Variants in JMJD1C observed in about 807,000 individuals in gnomAD.
JMJD1C encodes jumonji domain containing 1C.
In JMJD1C, 31 loss-of-function variants were observed where a neutral mutation model predicts 245.3. The ratio of observed to expected loss-of-function variants is 0.13; its 90% CI spans 0.09 to 0.17. The LOEUF (loss-of-function observed/expected upper bound fraction) is 0.17, where lower values mean the gene tolerates loss of function less well. JMJD1C is among the 10% of genes least tolerant of loss of function. JMJD1C has a pLI of 1.00. For missense variants in JMJD1C, 2,691 were observed against 3,000.2 expected, an observed-to-expected ratio of 0.90 and a Z score of 2.41; for synonymous variants, 1,057 against 1,017.4, an observed-to-expected ratio of 1.04 and a Z score of -0.74.
At chr10:63,275,819 C>G (rs1184452008) in intron 2 of JMJD1C, among the ~76,000 whole-genome samples, 1 of 152,114 alleles carries the variant, frequency 6.6e-6, no homozygotes, top group Non-Finnish European at 1.5e-5. Flanking sequence ...CACTTTCAGC[C>G]CTTTTTTTCC....
chr10:63,441,005 TC>T (rs1431771746), intron 1 of JMJD1C, among the ~76,000 whole-genome samples: 1 of 152,132 alleles, frequency 6.6e-6, no homozygotes, highest in Non-Finnish European at 1.5e-5. Context: ...GTGCTTGAGG[TC>T]AGGGAAAACT....
chr10:63,185,657 T>C lies in JMJD1C; in HGVS notation c.6740-4A>G, dbSNP rs1377542255. ...CCACTCTTGTTTTTCTGCCGTTCTA[T>C]AAGGAATGCAGTTAATTACTAAAAG... On this transcript the variant is annotated splice_region_variant and splice_polypyrimidine_tract_variant and intron_variant, in intron 19 of 25. Coordinates refer to ENST00000399262, the MANE Select transcript of JMJD1C (RefSeq NM_032776.3). 1.3e-6 allele frequency: 2 copies of C among 1,534,366 alleles called. No homozygotes were observed. The highest frequency in any genetic ancestry group is 9.0e-7 in the Non-Finnish European group (1 of 1,107,938).
At chr10:63,259,686 G>A (rs924439809) in intron 3 of JMJD1C, among the ~76,000 whole-genome samples, 11 of 152,194 alleles carry the variant, frequency 7.2e-5, no homozygotes, top group African/African-American at 2.4e-4. Context: ...TAGACAATGT[G>A]TGAGTCTTCT....
intron 1 of JMJD1C, among the ~76,000 whole-genome samples, chr10:63,494,771 C>G (rs73298557): frequency 6.6e-6 from 1 of 152,126 alleles, no homozygotes; most frequent in African/African-American, 2.4e-5. Context: ...GCAAAATGTA[C>G]GCTGACAAAT....
intron 1 of JMJD1C, among the ~76,000 whole-genome samples, chr10:63,454,323 G>C (rs1029169232): frequency 6.7e-6 from 1 of 149,708 alleles, no homozygotes; most frequent in African/African-American, 2.5e-5. Flanking sequence ...GCAGTGGCAT[G>C]ATCTCAGCTC....
chr10:63,363,350 C>G (rs1425585733), intron 2 of JMJD1C, among the ~76,000 whole-genome samples: 1 of 151,144 alleles, frequency 6.6e-6, no homozygotes, highest in Non-Finnish European at 1.5e-5. Flanking sequence ...CCTCTGCCTC[C>G]CGGGTTCAAG....
chr10:63,490,423 T>TTTA (rs1277466832), intron 1 of JMJD1C, among the ~76,000 whole-genome samples: 1 of 76,248 alleles, frequency 1.3e-5, no homozygotes, highest in African/African-American at 3.2e-5. Context: ...ATTTATTTTA[T>TTTA]TTTTTTTTTT....
chr10:63,198,761 C>A, intron 11 of JMJD1C, 34 bp from the exon 12 acceptor site: 1 of 1,277,588 alleles, frequency 7.8e-7, no homozygotes, highest in South Asian at 1.4e-5. Flanking sequence ...ATTAGGTACC[C>A]ACATATTAAA....
At chr10:63,299,670 T>C (rs1393419331) in intron 2 of JMJD1C, among the ~76,000 whole-genome samples, 1 of 152,184 alleles carries the variant, frequency 6.6e-6, no homozygotes, top group Non-Finnish European at 1.5e-5. Flanking sequence ...ATAAAAAAAC[T>C]ATTAATTGAT....
At chr10:63,393,100 CTACAAAAAA>C (rs1181456137) in intron 1 of JMJD1C, among the ~76,000 whole-genome samples, 1 of 152,018 alleles carries the variant, frequency 6.6e-6, no homozygotes, top group East Asian at 1.9e-4. Flanking sequence ...AACCCCGTCT[CTACAAAAAA>C]TACAAAAAAT....
intron 1 of JMJD1C, 52 bp from the exon 2 acceptor site, chr10:63,380,534 TC>T: frequency 2.1e-6 from 3 of 1,437,596 alleles, no homozygotes; most frequent in Non-Finnish European, 2.9e-6. Context: ...GAGTGGTATA[TC>T]TTTTTTTACT....
intron 1 of JMJD1C, among the ~76,000 whole-genome samples, chr10:63,400,150 C>G (rs1265306005): frequency 6.6e-6 from 1 of 152,126 alleles, no homozygotes; most frequent in South Asian, 2.1e-4. Flanking sequence ...TCAATCAGAA[C>G]CCTAACAGAT....
chr10:63,431,747 C>T (rs1564913510), intron 1 of JMJD1C, among the ~76,000 whole-genome samples: 4 of 152,214 alleles, frequency 2.6e-5, no homozygotes, highest in South Asian at 2.1e-4. Flanking sequence ...GGCGCAGTGG[C>T]GCACGCCTGT....
intron 2 of JMJD1C, among the ~76,000 whole-genome samples, chr10:63,300,785 G>A (rs1460549373): frequency 6.6e-6 from 1 of 152,016 alleles, no homozygotes; most frequent in African/African-American, 2.4e-5. Context: ...CCAGCTACTT[G>A]GGAGGCTGAG....
At chr10:63,245,045 G>A (rs1313431055) in intron 3 of JMJD1C, among the ~76,000 whole-genome samples, 2 of 144,572 alleles carry the variant, frequency 1.4e-5, no homozygotes, top group Non-Finnish European at 3.0e-5. Context: ...GCTGAGGCAT[G>A]AGAACCTGAA....
intron 24 of JMJD1C, among the ~76,000 whole-genome samples, chr10:63,175,914 A>C (rs7079333): frequency 0.99 from 150,018 of 152,290 alleles, 73,924 homozygotes; most frequent in Middle Eastern, 1. Context: ...CAGGCCCCTG[A>C]TATGCTAGCA....
At chr10:63,521,342 C>CGGGG (rs1475973495) in intron 1 of JMJD1C, 2 of 146,986 alleles carry the variant, frequency 1.4e-5, no homozygotes, top group Non-Finnish European at 3.0e-5. Flanking sequence ...GGCCGGCGGG[C>CGGGG]GGGGGCGGGC....
chr10:63,194,503 A>G, intron 13 of JMJD1C, 128 bp from the exon 14 acceptor site: 1 of 573,190 alleles, frequency 1.7e-6, no homozygotes, highest in Non-Finnish European at 3.1e-6. Context: ...AGAAAAAGAA[A>G]AAAATAAAAA....
intron 1 of JMJD1C, chr10:63,465,151 C>T (rs957536151): frequency 6.1e-6 from 2 of 326,886 alleles, no homozygotes; most frequent in East Asian, 6.0e-5. Flanking sequence ...CCCCCACCTG[C>T]CCGCGCGGCG....
Sources: allele counts gnomAD v4.1 joint callset (sites outside exome capture counted in the v4.1 genomes callset), GRCh38; gene constraint gnomAD v4.1.1; transcripts MANE v1.5; gene names NCBI Gene and HGNC (gene_info 2026-07-23, HGNC 2026-07-21).